The following CDH9 variants were observed in gnomAD, a reference collection of about 807,000 sequenced individuals.
The protein encoded by CDH9 is cadherin-9.
CDH9 carries 28 observed loss-of-function variants against 70.9 expected under a neutral mutation model. The ratio of observed to expected loss-of-function variants is 0.40; its 90% CI spans 0.29 to 0.54. CDH9 has a LOEUF of 0.54. Ranked by LOEUF, CDH9 falls within the 20% of genes least tolerant of loss-of-function variation. The pLI, the probability that CDH9 is intolerant of heterozygous loss-of-function variation, is 0.59. For synonymous variants in CDH9, 409 were observed against 343.1 expected (o/e 1.19, Z -2.12); for missense variants, 874 against 984.4 (o/e 0.89, Z 1.50).
chr5:26,890,776 T>A (rs1302201040), intron 7 of CDH9: 1 of 465,542 alleles, frequency 2.1e-6, no homozygotes, highest in Non-Finnish European at 3.8e-6. Flanking sequence ...CTATGTGTAC[T>A]TTAGAACTGT....
At chr5:26,938,785 C>T (rs1196055938) in intron 2 of CDH9, among the ~76,000 whole-genome samples, 1 of 151,978 alleles carries the variant, frequency 6.6e-6, no homozygotes. Flanking sequence ...AAATAAAACA[C>T]TGATGTATTC....
intron 1 of CDH9, among the ~76,000 whole-genome samples, chr5:27,037,093 G>T: frequency 6.6e-6 from 1 of 151,940 alleles, no homozygotes; most frequent in Non-Finnish European, 1.5e-5. Flanking sequence ...AATGTAGGAG[G>T]AGGTTTTTTA....
rs562858081 is a variant in CDH9, at chr5:26,890,710, A to G, written c.1254-146T>C. On this transcript the variant is annotated intron_variant, in intron 7 of 11. Transcript: ENST00000231021. ...CAACTTTCTTGAATTTTTATTTTAT[A>G]GAATTGTTATTTGAGCAATTTCATA... is the stretch of plus-strand genomic sequence containing the variant. The G allele has an allele frequency of 1.5e-4, 92 of 607,130 alleles. No homozygotes were observed. The South Asian group carries it at 1.8e-3, about 12-fold the overall frequency. 37.6% of individuals were successfully genotyped at this position (607,130 alleles called of 1,614,324 possible). A position where few individuals can be genotyped will look rare whatever the true frequency, so the allele number is the denominator to read the frequency against.
intron 1 of CDH9, among the ~76,000 whole-genome samples, chr5:27,000,484 C>T (rs2112104647): frequency 6.6e-6 from 1 of 152,182 alleles, no homozygotes; most frequent in South Asian, 2.1e-4. Context: ...CTCAACAAAA[C>T]AAAGATACTA....
intron 2 of CDH9, among the ~76,000 whole-genome samples, chr5:26,986,036 T>A (rs1230850993): frequency 1.3e-5 from 2 of 151,474 alleles, no homozygotes; most frequent in African/African-American, 2.4e-5. Flanking sequence ...AGCTATGTGG[T>A]AATGGAATAT....
At chr5:26,906,260 C>T in intron 4 of CDH9, 134 bp from the exon 5 acceptor site, 1 of 677,616 alleles carries the variant, frequency 1.5e-6, no homozygotes, top group Non-Finnish European at 2.5e-6. Flanking sequence ...TCCTTCAATC[C>T]ATAACCACTT....
chr5:27,012,907 A>T (rs1312586588), intron 1 of CDH9, among the ~76,000 whole-genome samples: 1 of 151,964 alleles, frequency 6.6e-6, no homozygotes, highest in Non-Finnish European at 1.5e-5. Flanking sequence ...GCAAACTCGC[A>T]TGTTGTTTGA....
chr5:26,899,710 G>T (rs2111984217), intron 7 of CDH9, among the ~76,000 whole-genome samples: 1 of 151,984 alleles, frequency 6.6e-6, no homozygotes, highest in Admixed American at 6.6e-5. Context: ...ACACACCAGG[G>T]CCTGTCAGGG....
chr5:26,916,251 AT>A (rs1741147772), intron 2 of CDH9, among the ~76,000 whole-genome samples: 1 of 152,038 alleles, frequency 6.6e-6, no homozygotes, highest in Non-Finnish European at 1.5e-5. Flanking sequence ...ATTAACCTAC[AT>A]CTTGAGTGTA....
intron 2 of CDH9, among the ~76,000 whole-genome samples, chr5:26,964,928 T>C (rs1742103509): frequency 1.3e-5 from 2 of 152,088 alleles, no homozygotes. Flanking sequence ...CTAAACACCT[T>C]TTCTATATAC....
intron 7 of CDH9, among the ~76,000 whole-genome samples, chr5:26,901,402 T>G (rs1740851565): frequency 6.6e-6 from 1 of 151,942 alleles, no homozygotes; most frequent in African/African-American, 2.4e-5. Context: ...TAACATGTTC[T>G]TAATCTCACC....
At chr5:26,981,133 G>A (rs921226132) in intron 2 of CDH9, among the ~76,000 whole-genome samples, 10 of 152,000 alleles carry the variant, frequency 6.6e-5, no homozygotes, top group Admixed American at 3.3e-4. Context: ...AAAATTATTC[G>A]TATATTTCAA....
intron 2 of CDH9, among the ~76,000 whole-genome samples, chr5:26,929,766 A>C (rs1294411693): frequency 6.6e-6 from 1 of 152,074 alleles, no homozygotes; most frequent in African/African-American, 2.4e-5. Flanking sequence ...ACATATTCTC[A>C]TTTATTTGTT....
At chr5:26,990,880 TCTAA>T (rs1456127127) in intron 1 of CDH9, among the ~76,000 whole-genome samples, 2 of 152,198 alleles carry the variant, frequency 1.3e-5, no homozygotes, top group Non-Finnish European at 2.9e-5. Flanking sequence ...TGGGGTCAGT[TCTAA>T]CTATGATGCC....
chr5:26,984,705 CA>C lies in CDH9; in HGVS notation c.228+3400del, dbSNP rs946789922. Among the ~76,000 whole-genome samples the C allele has an allele frequency of 5.3e-4, 80 of 152,094 alleles. 5 individuals are homozygous for C. The highest frequency in any genetic ancestry group is 2.9e-5 in the Non-Finnish European group (2 of 67,960). ...CAATTCTACCTAAATAATTCAGTCA[CA>C]AGTGTCTCTTCAAGTTATAGAGAAG... is the stretch of plus-strand genomic sequence containing the variant. On this transcript the variant is annotated intron_variant, in intron 2 of 11. Coordinates refer to ENST00000231021, the MANE Select transcript of CDH9 (RefSeq NM_016279.4).
chr5:27,019,827 T>C (rs1253343019), intron 1 of CDH9, among the ~76,000 whole-genome samples: 1 of 151,950 alleles, frequency 6.6e-6, no homozygotes, highest in Non-Finnish European at 1.5e-5. Flanking sequence ...ACAGAAAATT[T>C]AAGACAGAGT....
chr5:26,913,710 A>G (rs1290929120), intron 3 of CDH9, among the ~76,000 whole-genome samples: 3 of 151,686 alleles, frequency 2.0e-5, no homozygotes, highest in African/African-American at 7.3e-5. Flanking sequence ...ATATTTTATT[A>G]TGAGTGATGG....
chr5:26,995,441 T>C (rs1742649865), intron 1 of CDH9, among the ~76,000 whole-genome samples: 1 of 152,178 alleles, frequency 6.6e-6, no homozygotes, highest in Non-Finnish European at 1.5e-5. Flanking sequence ...TGAGATTCTG[T>C]ATAAACTTCA....
At chr5:26,885,291 T>C (rs559482491) in intron 11 of CDH9, among the ~76,000 whole-genome samples, 6 of 152,128 alleles carry the variant, frequency 3.9e-5, no homozygotes, top group Non-Finnish European at 5.9e-5. Flanking sequence ...ATACAGTTGA[T>C]GCAAAGATGA....
Sources: allele counts gnomAD v4.1 joint callset (sites outside exome capture counted in the v4.1 genomes callset), GRCh38; gene constraint gnomAD v4.1.1; transcripts MANE v1.5; gene names NCBI Gene and HGNC (gene_info 2026-07-23, HGNC 2026-07-21).